The following BAHD1 variants were observed in gnomAD, a reference collection of about 807,000 sequenced individuals.
The protein encoded by BAHD1 is bromo adjacent homology domain-containing 1 protein.
Under a neutral mutation model 63.1 loss-of-function variants are expected in BAHD1, and 20 were observed. The ratio of observed to expected loss-of-function variants is 0.32; its 90% CI spans 0.22 to 0.46. BAHD1 has a LOEUF of 0.46. BAHD1 is among the 20% of genes least tolerant of loss of function. The pLI, the probability that BAHD1 is intolerant of heterozygous loss-of-function variation, is 1.00. For missense variants in BAHD1, 939 were observed against 1,071.8 expected (o/e 0.88, Z 1.73); for synonymous variants, 408 against 426.8 (o/e 0.96, Z 0.54).
chr15:40,442,417 G>C (rs1393466015), intron 1 of BAHD1, among the ~76,000 whole-genome samples: 2 of 152,222 alleles, frequency 1.3e-5, no homozygotes, highest in Admixed American at 6.5e-5. Context: ...CGAGGGGCCG[G>C]GGTGGGGGTG....
chr15:40,457,517 T>C (rs1893883133), intron 1 of BAHD1, among the ~76,000 whole-genome samples: 2 of 152,196 alleles, frequency 1.3e-5, no homozygotes, highest in African/African-American at 2.4e-5. Flanking sequence ...CTTTTCCAGC[T>C]AGACCCAGGT....
At chr15:40,464,657 C>T (rs1299271449) in intron 5 of BAHD1, 110 bp downstream of exon 5, 6 of 900,054 alleles carry the variant, frequency 6.7e-6, no homozygotes, top group Middle Eastern at 2.4e-4. Flanking sequence ...CAAATCCCTG[C>T]GCTTGTCACT....
chr15:40,447,072 G>T (rs1002420358), intron 1 of BAHD1, among the ~76,000 whole-genome samples: 2 of 152,158 alleles, frequency 1.3e-5, no homozygotes, highest in Admixed American at 1.3e-4. Context: ...TTTTTTAGAG[G>T]ACCTATGTAG....
At chr15:40,459,942 T>A in intron 2 of BAHD1, 46 bp downstream of exon 2, 1 of 1,521,662 alleles carries the variant, frequency 6.6e-7, no homozygotes, top group African/African-American at 1.4e-5. Flanking sequence ...CTCGGAGACA[T>A]GGCATCCCAG....
rs1894127239 is a variant in BAHD1 at position 40,463,921 on chromosome 15, A to G, written c.1876A>G (p.Ile626Val). 6.2e-7 allele frequency: 1 copy of G among 1,614,176 alleles called. No individual in the cohort carries two copies. Among genetic ancestry groups the G allele is most frequent in the Non-Finnish European group, 8.5e-7 (1 of 1,180,026 alleles). ...GGCGGTAGAGCGGCATGGGGAGACA[A>G]TCCGAGTCCGGGACACCGTCCTTCT... ...YQAVERHGETIRVRDTVLLKS... is the reference protein window; with the variant it reads ...YQAVERHGETVRVRDTVLLKS... Residue 626 changes from isoleucine (I) to valine (V), a missense_variant, in exon 4 of 7, where the codon ATC becomes GTC. Ile to Val is a conservative substitution (Grantham distance 29). Around this residue, in one of 5 missense-constraint regions of BAHD1, gnomAD observed 35 missense variants for 56.5 expected, o/e 0.62. Coordinates refer to ENST00000416165, the MANE Select transcript of BAHD1 (RefSeq NM_014952.5).
At chr15:40,449,521 C>G (rs1893642245) in intron 1 of BAHD1, among the ~76,000 whole-genome samples, 1 of 151,994 alleles carries the variant, frequency 6.6e-6, no homozygotes, top group African/African-American at 2.4e-5. Flanking sequence ...AGGATGAGGC[C>G]AGGCATGGTG....
Position 40,458,778 on chromosome 15 carries a change from C to G in BAHD1, c.314C>G (p.Ser105Cys), listed in dbSNP as rs1893927765. The change falls in exon 2 of 7, where the codon TCC becomes TGC. Residue 105 changes from serine to cysteine, a missense_variant. Around this residue, in one of 5 missense-constraint regions of BAHD1, gnomAD observed 797 missense variants for 813.3 expected, o/e 0.98. Transcript: ENST00000416165. The surrounding 1 kb of genome is among the most constrained non-coding windows in gnomAD (Gnocchi z 4.7). ...CCCAAGCCCCCCAGCCCGGCCCCAT[C>G]CAGTGAAGACCCTGGCCTTGCCCAG... ...DLPKPPSPAP[S>C]SEDPGLAQPR... The G allele has an allele frequency of 1.2e-6, 2 of 1,613,104 alleles. No homozygotes were observed. Among genetic ancestry groups the G allele is most frequent in the South Asian group, 2.2e-5 (2 of 91,086 alleles).
intron 1 of BAHD1, among the ~76,000 whole-genome samples, chr15:40,451,791 C>A (rs1893711217): frequency 6.6e-6 from 1 of 152,200 alleles, no homozygotes; most frequent in Admixed American, 6.5e-5. Flanking sequence ...TGGGCTAGCA[C>A]CTGTGGATGC....
rs749662166 is a variant in BAHD1, at chr15:40,462,157, A to G, written c.1678A>G (p.Arg560Gly). The G allele has an allele frequency of 2.5e-6, 4 of 1,612,028 alleles. No homozygotes were observed. In the African/African-American group the frequency reaches 4.0e-5, roughly 16 times the overall value. The part of the protein sequence containing the change: ...RTGSSCRHTA[R>G]SKAARRPSHP... ...AGGCTCCAGCTGCAGGCACACTGCA[A>G]GGAGCAAGGCTGCCCGCAGGCCTAG... Residue 560 changes from arginine (R) to glycine (G), a missense_variant, in exon 3 of 7, where the codon AGG becomes GGG. Coordinates refer to ENST00000416165, the MANE Select transcript of BAHD1 (RefSeq NM_014952.5).
At chr15:40,438,026 G>A (rs539150415), upstream of BAHD1, among the ~76,000 whole-genome samples, 1 of 152,256 alleles carries the variant, frequency 6.6e-6, no homozygotes, top group East Asian at 1.9e-4. Flanking sequence ...GAAAGACTCC[G>A]GAGACCCGAT....
rs1893382400 is a variant in BAHD1, at chr15:40,441,030, CCCGCCCGTCCGGCCCCCG to C, written c.-249_-232del. Among the ~76,000 whole-genome samples, 1 of 147,044 alleles carries C rather than the reference CCCGCCCGTCCGGCCCCCG, an allele frequency of 6.8e-6. No individual in the cohort carries two copies. The highest frequency in any genetic ancestry group is 2.4e-5 in the African/African-American group (1 of 40,824). ...GCCGCCCGCCCGTCCGGCTGCCTGC[CCCGCCCGTCCGGCCCCCG>C]CCGTCCGCCCGCCCCGGCCAGGCGC... On this transcript the variant is annotated 5_prime_UTR_variant, in exon 1 of 7. Coordinates refer to ENST00000416165, the MANE Select transcript of BAHD1 (RefSeq NM_014952.5).
rs768238278 is a variant in BAHD1 at position 40,459,330 on chromosome 15, G to A, written c.866G>A (p.Cys289Tyr). Residue 289 changes from cysteine (C) to tyrosine (Y), a missense_variant, in exon 2 of 7, where the codon TGT becomes TAT. Cys to Tyr is a radical substitution (Grantham distance 194). This residue lies in a region of BAHD1 where 797 missense variants were observed against 813.3 expected (regional missense o/e 0.98). Transcript: ENST00000416165. ...PDEPWPSATPCGPSVQPSHQP... is the reference protein window; with the variant it reads ...PDEPWPSATPYGPSVQPSHQP... ...GAACCATGGCCATCTGCAACTCCTT[G>A]TGGGCCATCCGTCCAGCCATCTCAT... The A allele has an allele frequency of 1.2e-6, 2 of 1,612,984 alleles. No individual in the cohort carries two copies. Among genetic ancestry groups the A allele is most frequent in the African/African-American group, 2.7e-5 (2 of 74,946 alleles).
At chr15:40,464,158 C>CAGCAGAGAGACCCCAGCCGAG in intron 4 of BAHD1, 138 bp downstream of exon 4, 2 of 1,067,038 alleles carry the variant, frequency 1.9e-6, no homozygotes, top group Non-Finnish European at 2.7e-6. Flanking sequence ...TTCCACTCGG[C>CAGCAGAGAGACCCCAGCCGAG]TGGGGTCTCT....
Position 40,459,600 on chromosome 15 carries a change from T to A in BAHD1, c.1136T>A (p.Phe379Tyr). The A allele has an allele frequency of 6.2e-7, 1 of 1,614,172 alleles. No homozygotes were observed. Among genetic ancestry groups the A allele is most frequent in the Non-Finnish European group, 8.5e-7 (1 of 1,180,028 alleles). The change falls in exon 2 of 7, where the codon TTC becomes TAC. Residue 379 changes from phenylalanine (F) to tyrosine (Y), a missense_variant. Physicochemically the swap from Phe to Tyr is conservative, Grantham distance 22. Coordinates refer to ENST00000416165, the MANE Select transcript of BAHD1 (RefSeq NM_014952.5). Reference protein sequence around the residue: ...VGPELTALGSFYLYCGQEGLQ... With the variant: ...VGPELTALGSYYLYCGQEGLQ... ...CCTGAGCTCACTGCACTAGGCAGCT[T>A]CTACCTGTACTGTGGCCAAGAGGGG...
rs765821182 is a variant in BAHD1, at chr15:40,465,379, C to T, written c.2097C>T (p.Asn699=). 3.1e-6 allele frequency: 5 copies of T among 1,614,150 alleles called. No homozygotes were observed. The Admixed American group carries it at 6.7e-5, about 22-fold the overall frequency. The change falls in exon 6 of 7, where the codon AAC becomes AAT. Residue 699 remains asparagine, a synonymous_variant. Transcript: ENST00000416165. ...EVFASRHQDQ[N]SVACIEEKCY... is the part of the protein sequence containing the mutation. ...TTGCATCGCGACATCAGGACCAGAA[C>T]AGTGTGGCCTGCATTGAGGAGAAGT...
At chr15:40,449,663 G>C (rs544281323) in intron 1 of BAHD1, among the ~76,000 whole-genome samples, 18 of 152,050 alleles carry the variant, frequency 1.2e-4, no homozygotes, top group African/African-American at 4.3e-4. Flanking sequence ...TTAAAAATTA[G>C]CCAGGCATGG....
At position 40,459,793 on chromosome 15, in the gene BAHD1, C is replaced by T. The variant is rs1168634117; in HGVS notation, c.1329C>T (p.Asp443=). The part of the protein sequence containing the change: ...WGSSRYCSSE[D]TGVNGYSICG... ...CCTCTCGCTACTGCTCTAGCGAGGACACTGGAGTGAATGGCTACAGCATCT... is the reference window on the plus strand; with the variant it reads ...CCTCTCGCTACTGCTCTAGCGAGGATACTGGAGTGAATGGCTACAGCATCT... Residue 443 remains aspartate (D), a synonymous_variant, in exon 2 of 7, where the codon GAC becomes GAT. Coordinates refer to ENST00000416165, the MANE Select transcript of BAHD1 (RefSeq NM_014952.5). The T allele has an allele frequency of 3.1e-6, 5 of 1,613,786 alleles. No homozygotes were observed. In the Admixed American group the frequency reaches 8.3e-5, roughly 27 times the overall value.
At chr15:40,448,227 G>A (rs1893601306) in intron 1 of BAHD1, among the ~76,000 whole-genome samples, 1 of 150,090 alleles carries the variant, frequency 6.7e-6, no homozygotes, top group African/African-American at 2.5e-5. Context: ...GGATGACAGA[G>A]CAAGACTCCA....
chr15:40,467,474 G>C lies in BAHD1; in HGVS notation c.*1344G>C, dbSNP rs1016587683. 1 of 153,098 alleles carries C rather than the reference G, an allele frequency of 6.5e-6. No homozygotes were observed. The highest frequency in any genetic ancestry group is 2.4e-5 in the African/African-American group (1 of 41,472). The allele number at this position is 153,098 out of a possible 1,614,324, so 9.5% of individuals were successfully genotyped here. ...GGCATACCCCTGGGGGCAGGGGCTG[G>C]GGCTGAGAACTGCAGCCCTGGGTCT... On this transcript the variant is annotated 3_prime_UTR_variant, in exon 7 of 7. Coordinates refer to ENST00000416165, the MANE Select transcript of BAHD1 (RefSeq NM_014952.5).
Sources: gnomAD v4.1 joint callset for allele counts (sites outside exome capture counted in the v4.1 genomes callset) on GRCh38, gnomAD v4.1.1 for gene constraint, gnomAD v4.1.1 regional missense constraint, Gnocchi (gnomAD v3.1) non-coding constraint, MANE v1.5 for transcripts, NCBI Gene and HGNC (gene_info 2026-07-23, HGNC 2026-07-21) for gene names.